Variants in CDK19 observed in about 807,000 individuals in gnomAD.
CDK19 encodes cyclin dependent kinase 19.
CDK19 carries 20 observed loss-of-function variants against 68.3 expected under a neutral mutation model. That is an observed-to-expected ratio of 0.29 (90% confidence interval 0.21 to 0.43). The LOEUF is 0.43. Ranked by LOEUF, CDK19 falls within the 20% of genes least tolerant of loss-of-function variation. The pLI is 1.00. For synonymous variants in CDK19, 221 were observed against 222.8 expected (o/e 0.99, Z 0.07); for missense variants, 339 against 623.5 (o/e 0.54, Z 4.86).
chr6:110,699,099 T>C (rs1350110428), intron 2 of CDK19, among the ~76,000 whole-genome samples: 3 of 148,770 alleles, frequency 2.0e-5, no homozygotes, highest in Admixed American at 2.0e-4. Context: ...GAAATACTAC[T>C]CAGTCATAAA....
At chr6:110,727,283 T>C (rs776033829) in intron 2 of CDK19, among the ~76,000 whole-genome samples, 67 of 152,038 alleles carry the variant, frequency 4.4e-4, no homozygotes, top group Non-Finnish European at 6.3e-4. Flanking sequence ...ATTTTTCCAT[T>C]TACTGTTAGA....
chr6:110,799,627 T>C (rs1782208770), intron 1 of CDK19, among the ~76,000 whole-genome samples: 2 of 152,060 alleles, frequency 1.3e-5, no homozygotes, highest in Admixed American at 1.3e-4. Flanking sequence ...AGACAGGGTC[T>C]CACTCTGTTG....
chr6:110,654,836 G>A (rs1467917097), intron 4 of CDK19, among the ~76,000 whole-genome samples: 2 of 152,018 alleles, frequency 1.3e-5, no homozygotes, highest in Non-Finnish European at 2.9e-5. Flanking sequence ...AGCTACTCGG[G>A]AGGCTAAGGC....
intron 2 of CDK19, among the ~76,000 whole-genome samples, chr6:110,743,237 G>GGT (rs1461275433): frequency 3.9e-5 from 6 of 152,198 alleles, no homozygotes; most frequent in African/African-American, 1.4e-4. Flanking sequence ...GTAAACTTGT[G>GGT]TGAAAATCCC....
chr6:110,669,955 C>T (rs1009302124), intron 3 of CDK19, among the ~76,000 whole-genome samples: 1 of 151,554 alleles, frequency 6.6e-6, no homozygotes, highest in African/African-American at 2.4e-5. Context: ...GTTGGGAGTT[C>T]GAGACCAGCC....
At chr6:110,733,119 C>A (rs1776886946) in intron 2 of CDK19, among the ~76,000 whole-genome samples, 1 of 152,206 alleles carries the variant, frequency 6.6e-6, no homozygotes, top group Non-Finnish European at 1.5e-5. Flanking sequence ...CCCTCCTGCC[C>A]ACCCAAGGCA....
Position 110,719,828 on chromosome 6 carries a change from T to G in CDK19, c.204+26298A>C, listed in dbSNP as rs184792631. Among the ~76,000 whole-genome samples the G allele has an allele frequency of 5.3e-3, 799 of 152,146 alleles. 6 individuals are homozygous for G. The highest frequency in any genetic ancestry group is 0.019 in the African/African-American group (777 of 41,510). ...TCACTGCAACTTCCGCCTCCCAGGT[T>G]CAAGCGATTCTCCTGCCTCAGACTC... On this transcript the variant is annotated intron_variant, in intron 2 of 12. Transcript: ENST00000368911.
intron 2 of CDK19, among the ~76,000 whole-genome samples, chr6:110,741,892 A>G (rs568702664): frequency 1.1e-4 from 17 of 152,210 alleles, no homozygotes; most frequent in Non-Finnish European, 2.5e-4. Flanking sequence ...GAAAGAATAC[A>G]TTGCTGGTAT....
rs1778160309 is a variant in CDK19, at chr6:110,614,042, A to G, written c.*493T>C. 2 of 152,986 alleles carry G rather than the reference A, an allele frequency of 1.3e-5. No homozygotes were observed. Among genetic ancestry groups the G allele is most frequent in the South Asian group, 2.1e-4 (1 of 4,834 alleles). 9.5% of individuals were successfully genotyped at this position (152,986 alleles called of 1,614,324 possible). A position where few individuals can be genotyped will look rare whatever the true frequency, so the allele number is the denominator to read the frequency against. On this transcript the variant is annotated 3_prime_UTR_variant, in exon 13 of 13. Transcript: ENST00000368911. Reference sequence around the variant, plus strand: ...ACAGTTTCTGTTTAAGACTTCCATGAGCAGAACAGTTATTGTCTGTGAAAA... The same window carrying G: ...ACAGTTTCTGTTTAAGACTTCCATGGGCAGAACAGTTATTGTCTGTGAAAA...
intron 3 of CDK19, 22 bp from the exon 4 acceptor site, chr6:110,667,596 A>C (rs748310932): frequency 7.7e-7 from 1 of 1,302,502 alleles, no homozygotes; most frequent in African/African-American, 1.5e-5. Context: ...AAAAAAACAT[A>C]ATAATATAGT....
chr6:110,623,823 CATATACACATAT>C (rs1249850573), intron 8 of CDK19, among the ~76,000 whole-genome samples: 100 of 145,758 alleles, frequency 6.9e-4, no homozygotes, highest in Admixed American at 2.6e-3. Context: ...TATACACATA[CATATACACATAT>C]ATATACACAT....
chr6:110,815,196 C>G lies in CDK19; in HGVS notation c.-60G>C. On this transcript the variant is annotated 5_prime_UTR_variant, in exon 1 of 13. Coordinates refer to ENST00000368911, the MANE Select transcript of CDK19 (RefSeq NM_015076.5). Reference sequence around the variant, plus strand: ...GGCCGCCGCCGCTCAGTCCCTCCTCCTCCTCCCCCCGCGACCGCCGCTCCA... The same window carrying G: ...GGCCGCCGCCGCTCAGTCCCTCCTCGTCCTCCCCCCGCGACCGCCGCTCCA... 1.3e-6 allele frequency: 2 copies of G among 1,481,528 alleles called. No individual in the cohort carries two copies. Among genetic ancestry groups the G allele is most frequent in the East Asian group, 2.7e-5 (1 of 36,640 alleles). 91.8% of individuals were successfully genotyped at this position (1,481,528 alleles called of 1,614,324 possible). A position where few individuals can be genotyped will look rare whatever the true frequency, so the allele number is the denominator to read the frequency against.
intron 2 of CDK19, among the ~76,000 whole-genome samples, chr6:110,677,590 GGAA>G (rs887899863): frequency 2.5e-4 from 36 of 145,624 alleles, no homozygotes; most frequent in African/African-American, 5.1e-4. Context: ...AAAAAAAAAA[GGAA>G]GAAGAAGAAG....
intron 2 of CDK19, among the ~76,000 whole-genome samples, chr6:110,681,645 T>C (rs1247551540): frequency 6.6e-6 from 1 of 152,154 alleles, no homozygotes; most frequent in Non-Finnish European, 1.5e-5. Flanking sequence ...CTTGGCAAAA[T>C]CAGATTTTAC....
At chr6:110,797,394 T>C (rs1438520781) in intron 1 of CDK19, among the ~76,000 whole-genome samples, 1 of 152,100 alleles carries the variant, frequency 6.6e-6, no homozygotes, top group Admixed American at 6.5e-5. Context: ...TTGTCAGTAA[T>C]TTAACATCAC....
chr6:110,688,791 G>A (rs753256952), intron 2 of CDK19, among the ~76,000 whole-genome samples: 1 of 152,192 alleles, frequency 6.6e-6, no homozygotes, highest in Non-Finnish European at 1.5e-5. Context: ...AGGGGACCTC[G>A]TGGAAGTCAG....
chr6:110,688,598 T>C (rs889432015), intron 2 of CDK19, among the ~76,000 whole-genome samples: 1 of 152,074 alleles, frequency 6.6e-6, no homozygotes, highest in Non-Finnish European at 1.5e-5. Context: ...GGGGAAAGAC[T>C]GCCTCCAAGA....
chr6:110,794,964 TTGC>T (rs1170890525), intron 1 of CDK19, among the ~76,000 whole-genome samples: 2 of 152,138 alleles, frequency 1.3e-5, no homozygotes, highest in Admixed American at 6.6e-5. Context: ...CAAGGAAAAC[TTGC>T]TGCTGTCTTG....
At chr6:110,675,180 C>G (rs904424311) in intron 2 of CDK19, among the ~76,000 whole-genome samples, 4 of 152,162 alleles carry the variant, frequency 2.6e-5, no homozygotes, top group Admixed American at 2.0e-4. Context: ...GAAACAGATT[C>G]CGTGTAGGAC....
Sources: allele counts gnomAD v4.1 joint callset (sites outside exome capture counted in the v4.1 genomes callset), GRCh38; gene constraint gnomAD v4.1.1; transcripts MANE v1.5; gene names NCBI Gene and HGNC (gene_info 2026-07-23, HGNC 2026-07-21).